The following ASIC2 variants were observed in gnomAD, a reference collection of about 807,000 sequenced individuals.
The protein encoded by ASIC2 is acid sensing ion channel subunit 2, also known as acid-sensing ion channel 2.
A neutral mutation model predicts 57.3 loss-of-function variants in ASIC2; 25 were observed. That is an observed-to-expected ratio of 0.44 (90% CI 0.32 to 0.61). The LOEUF is 0.61. ASIC2 is among the 20% of genes least tolerant of loss of function. ASIC2 has a pLI of 0.06. For missense variants in ASIC2, 641 were observed against 738.1 expected (o/e 0.87, Z 1.52); for synonymous variants, 319 against 307.5 (o/e 1.04, Z -0.39).
intron 1 of ASIC2, among the ~76,000 whole-genome samples, chr17:33,874,941 A>G (rs1300360840): frequency 2.0e-5 from 3 of 152,208 alleles, no homozygotes; most frequent in South Asian, 4.1e-4. Context: ...TCCTGATAAA[A>G]TTAACTGCCC....
At chr17:33,678,123 G>C (rs1209122319) in intron 1 of ASIC2, among the ~76,000 whole-genome samples, 1 of 152,104 alleles carries the variant, frequency 6.6e-6, no homozygotes, top group Non-Finnish European at 1.5e-5. Flanking sequence ...CTAGCAAAAA[G>C]ATTACAGATC....
chr17:33,549,651 A>G (rs1915685804), intron 1 of ASIC2, among the ~76,000 whole-genome samples: 1 of 152,206 alleles, frequency 6.6e-6, no homozygotes, highest in African/African-American at 2.4e-5. Flanking sequence ...TGAAGAGTTC[A>G]GATCCTTGGC....
intron 1 of ASIC2, among the ~76,000 whole-genome samples, chr17:33,332,006 A>C (rs1907332562): frequency 6.6e-6 from 1 of 152,232 alleles, no homozygotes; most frequent in Admixed American, 6.5e-5. Context: ...TACATCATAG[A>C]ACATTAGTGT....
chr17:33,668,011 A>G (rs1907530266), intron 1 of ASIC2, among the ~76,000 whole-genome samples: 1 of 152,184 alleles, frequency 6.6e-6, no homozygotes, highest in South Asian at 2.1e-4. Flanking sequence ...GATCACCAAC[A>G]TATTATTATA....
Position 33,138,368 on chromosome 17 carries a change from TTATC to T in ASIC2, c.709-26305_709-26302del, listed in dbSNP as rs543641714. The stretch of plus-strand genomic sequence containing the variant: ...CCCTGAGGATTATTTAACCTTTAAA[TTATC>T]TAACATTTAAGTACAAGGAAAATTG... On this transcript the variant is annotated intron_variant, in intron 1 of 9. Coordinates refer to ENST00000225823, the MANE Select transcript of ASIC2 (RefSeq NM_183377.2). Among the ~76,000 whole-genome samples the T allele has an allele frequency of 6.8e-4, 104 of 152,234 alleles. 1 individual carries two copies. The highest frequency in any genetic ancestry group is 4.8e-3 in the East Asian group (25 of 5,176).
chr17:33,687,407 C>A (rs999320837), intron 1 of ASIC2, among the ~76,000 whole-genome samples: 1 of 152,152 alleles, frequency 6.6e-6, no homozygotes, highest in Non-Finnish European at 1.5e-5. Context: ...TGGGCTGCTA[C>A]CCAGGGTGAT....
intron 1 of ASIC2, among the ~76,000 whole-genome samples, chr17:33,193,415 G>A (rs563329516): frequency 2.0e-5 from 3 of 152,150 alleles, no homozygotes; most frequent in Admixed American, 6.6e-5. Flanking sequence ...TATATATAGC[G>A]CTCTGCTCAC....
intron 1 of ASIC2, among the ~76,000 whole-genome samples, chr17:33,157,894 C>T (rs78269772): frequency 0.016 from 2,432 of 152,318 alleles, 36 homozygotes; most frequent in Non-Finnish European, 0.022. Flanking sequence ...CTGAGCTCAT[C>T]ACCTACCACT....
chr17:33,551,860 C>T (rs1038799792), intron 1 of ASIC2, among the ~76,000 whole-genome samples: 17 of 152,296 alleles, frequency 1.1e-4, no homozygotes, highest in African/African-American at 4.1e-4. Flanking sequence ...TGTTCTCCTC[C>T]CTTCCACATC....
intron 3 of ASIC2, among the ~76,000 whole-genome samples, chr17:33,066,055 C>T (rs763769298): frequency 3.3e-5 from 5 of 152,062 alleles, no homozygotes; most frequent in South Asian, 2.1e-4. Flanking sequence ...CCCACCATGG[C>T]GGGACACCTG....
intron 1 of ASIC2, among the ~76,000 whole-genome samples, chr17:33,473,731 C>A (rs765846344): frequency 3.9e-5 from 6 of 152,162 alleles, no homozygotes; most frequent in Non-Finnish European, 8.8e-5. Context: ...CCTGTTCCTG[C>A]CAAGCTCCAG....
chr17:33,313,038 T>C (rs1245918186), intron 1 of ASIC2, among the ~76,000 whole-genome samples: 2 of 152,200 alleles, frequency 1.3e-5, no homozygotes, highest in Non-Finnish European at 2.9e-5. Flanking sequence ...CTGGTTGCAG[T>C]GCCTCACACC....
chr17:33,261,409 T>C (rs1909275430), intron 1 of ASIC2, among the ~76,000 whole-genome samples: 1 of 152,170 alleles, frequency 6.6e-6, no homozygotes, highest in Admixed American at 6.5e-5. Flanking sequence ...CTTGTCCTCA[T>C]GGAGCTTCCA....
In ASIC2 at chr17:33,847,961, C is replaced by T. The variant is rs532626004; in HGVS notation, c.555+308017G>A. The stretch of plus-strand genomic sequence containing the variant: ...GGAAGAGGAGAACTCACTCCAGGCA[C>T]TTTGGGAAGTGAATGCATTGTCTCT... On this transcript the variant is annotated intron_variant, in intron 1 of 9. Coordinates refer to the ASIC2 transcript ENST00000359872. Among the ~76,000 whole-genome samples the T allele has an allele frequency of 5.3e-5, 8 of 152,216 alleles. No individual in the cohort carries two copies. The South Asian group carries it at 1.7e-3, about 32-fold the overall frequency.
intron 1 of ASIC2, among the ~76,000 whole-genome samples, chr17:33,906,457 G>T (rs898835583): frequency 6.6e-6 from 1 of 152,140 alleles, no homozygotes; most frequent in African/African-American, 2.4e-5. Flanking sequence ...CTAACATTTT[G>T]GGCAGCTGAG....
chr17:34,037,773 C>T, intron 1 of ASIC2: 1 of 1,614,198 alleles, frequency 6.2e-7, no homozygotes, highest in African/African-American at 1.3e-5. Flanking sequence ...TTTCGGTAGG[C>T]CAAGCATCGT....
intron 1 of ASIC2, among the ~76,000 whole-genome samples, chr17:33,856,500 G>GCAGCA (rs1434786342): frequency 2.6e-3 from 44 of 17,052 alleles, no homozygotes; most frequent in South Asian, 7.9e-3. Context: ...TAATAGTGTT[G>GCAGCA]TCAGTAGTAG....
chr17:33,431,686 C>G (rs73983674), intron 1 of ASIC2, among the ~76,000 whole-genome samples: 6,698 of 152,196 alleles, frequency 0.044, 473 homozygotes, highest in African/African-American at 0.15. Flanking sequence ...AAAGAAGGAG[C>G]TCTGTGAAGT....
chr17:33,490,635 C>T (rs1289221753), intron 1 of ASIC2, among the ~76,000 whole-genome samples: 2 of 152,210 alleles, frequency 1.3e-5, no homozygotes, highest in Non-Finnish European at 2.9e-5. Flanking sequence ...TAAGATGTGA[C>T]TTTGCTTCTC....
Sources: allele counts gnomAD v4.1 joint callset (sites outside exome capture counted in the v4.1 genomes callset), GRCh38; gene constraint gnomAD v4.1.1; transcripts MANE v1.5; gene names NCBI Gene and HGNC (gene_info 2026-07-23, HGNC 2026-07-21).